The following KCNT2 variants were observed in gnomAD, a reference collection of about 807,000 sequenced individuals.
KCNT2 encodes potassium sodium-activated channel subfamily T member 2, also known as potassium channel subfamily T member 2.
Under a neutral mutation model 153.8 loss-of-function variants are expected in KCNT2, and 67 were observed. The ratio of observed to expected loss-of-function variants is 0.44; its 90% confidence interval spans 0.36 to 0.53. KCNT2 has a LOEUF of 0.53. Among genes scored for constraint, KCNT2 ranks in the 20% least tolerant of loss-of-function variants. The pLI, the probability that KCNT2 is intolerant of heterozygous loss-of-function variation, is 0.00. For missense variants in KCNT2, 975 were observed against 1,354.8 expected, an observed-to-expected ratio of 0.72 and a Z score of 4.40; for synonymous variants, 500 against 458.8, an observed-to-expected ratio of 1.09 and a Z score of -1.15.
chr1:196,235,728 A>AT lies in KCNT2; in HGVS notation c.3296+257dup, dbSNP rs554746470. ...CTTTTATTCTTCCACGTCTTCACTT[A>AT]TTTTTTCCAAATATTTTTTAGCTCA... On this transcript the variant is annotated intron_variant, in intron 27 of 27. Coordinates refer to ENST00000294725, the MANE Select transcript of KCNT2 (RefSeq NM_198503.5). 3.6e-3 allele frequency among the ~76,000 whole-genome samples: 552 copies of AT among 151,406 alleles called. 3 individuals are homozygous for AT. Among genetic ancestry groups the AT allele is most frequent in the African/African-American group, 0.012 (514 of 41,452 alleles).
intron 22 of KCNT2, among the ~76,000 whole-genome samples, chr1:196,294,908 C>T (rs1660541698): frequency 6.6e-6 from 1 of 150,802 alleles, no homozygotes; most frequent in Admixed American, 6.6e-5. Flanking sequence ...GGTGGAAGGG[C>T]ATAAGGGGAT....
intron 1 of KCNT2, among the ~76,000 whole-genome samples, chr1:196,594,306 G>A (rs552255961): frequency 6.6e-6 from 1 of 152,224 alleles, no homozygotes; most frequent in Non-Finnish European, 1.5e-5. Context: ...ACATTTTCAA[G>A]TCAAATACCT....
Position 196,258,387 on chromosome 1 carries a change from G to C in KCNT2, c.3018C>G (p.Asp1006Glu). The C allele has an allele frequency of 6.2e-7, 1 of 1,613,998 alleles. No individual in the cohort carries two copies. The highest frequency in any genetic ancestry group is 8.5e-7 in the Non-Finnish European group (1 of 1,179,992). ...TGCTTTTTCTCCGCAGCAAGGGATG[G>C]TCCGACTGATCACTGGATGTTGAGT... ...HRNSTSSDQS[D>E]HPLLRRKSMQ... The change falls in exon 26 of 28, where the codon GAC (aspartate) becomes GAG (glutamate). Residue 1006 changes from aspartate (D) to glutamate (E), a missense_variant. Physicochemically the swap from Asp to Glu is conservative, Grantham distance 45. Transcript: ENST00000294725.
At chr1:196,230,605 C>A (rs567062119) in intron 27 of KCNT2, among the ~76,000 whole-genome samples, 1 of 150,612 alleles carries the variant, frequency 6.6e-6, no homozygotes, top group South Asian at 2.1e-4. Flanking sequence ...TGACTCCAAC[C>A]CTTATCGATG....
At chr1:196,464,355 A>C (rs1440164666) in intron 8 of KCNT2, among the ~76,000 whole-genome samples, 1 of 151,944 alleles carries the variant, frequency 6.6e-6, no homozygotes, top group East Asian at 1.9e-4. Context: ...TACTGTTTTT[A>C]AATGATAAAA....
chr1:196,543,501 A>T (rs985253266), intron 1 of KCNT2, among the ~76,000 whole-genome samples: 1 of 152,122 alleles, frequency 6.6e-6, no homozygotes, highest in Non-Finnish European at 1.5e-5. Flanking sequence ...AGGAAAAGAA[A>T]ATCTTGGGAA....
intron 8 of KCNT2, among the ~76,000 whole-genome samples, chr1:196,448,380 AACAT>A: frequency 6.6e-6 from 1 of 151,690 alleles, no homozygotes; most frequent in East Asian, 1.9e-4. Context: ...TATTATATAT[AACAT>A]TTCTGTATTA....
intron 22 of KCNT2, among the ~76,000 whole-genome samples, chr1:196,294,890 C>T (rs2147934841): frequency 6.6e-6 from 1 of 151,048 alleles, no homozygotes; most frequent in East Asian, 1.9e-4. Flanking sequence ...TGATGGTTAC[C>T]AGAGACTGGT....
chr1:196,235,923 TACAA>T, intron 27 of KCNT2, 59 bp downstream of exon 27: 1 of 1,015,894 alleles, frequency 9.8e-7, no homozygotes, highest in South Asian at 1.4e-5. Flanking sequence ...TAAATATAAG[TACAA>T]AAATAAATAG....
intron 1 of KCNT2, among the ~76,000 whole-genome samples, chr1:196,527,580 G>A (rs1416583907): frequency 6.6e-6 from 1 of 152,042 alleles, no homozygotes; most frequent in Non-Finnish European, 1.5e-5. Flanking sequence ...TTTCTTTCAT[G>A]GGGAACAATA....
At chr1:196,510,902 G>A (rs1204836469) in intron 1 of KCNT2, among the ~76,000 whole-genome samples, 1 of 152,134 alleles carries the variant, frequency 6.6e-6, no homozygotes, top group Non-Finnish European at 1.5e-5. Context: ...TAATTTCATA[G>A]TAACTCTACC....
At chr1:196,426,797 A>T (rs1038999756) in intron 10 of KCNT2, among the ~76,000 whole-genome samples, 1 of 151,794 alleles carries the variant, frequency 6.6e-6, no homozygotes, top group African/African-American at 2.4e-5. Flanking sequence ...GAGGGGCCTG[A>T]TGGGAGATGA....
chr1:196,394,945 G>C (rs540174262), intron 13 of KCNT2, among the ~76,000 whole-genome samples: 1 of 150,232 alleles, frequency 6.7e-6, no homozygotes, highest in South Asian at 2.1e-4. Flanking sequence ...AAGATAACTT[G>C]TCTTAGATTA....
intron 26 of KCNT2, among the ~76,000 whole-genome samples, chr1:196,243,068 A>G (rs532707396): frequency 7.9e-5 from 12 of 152,058 alleles, no homozygotes; most frequent in Non-Finnish European, 1.6e-4. Context: ...TTTGTAGTCA[A>G]TTTTCTCCTC....
At chr1:196,458,104 T>C (rs1451020008) in intron 8 of KCNT2, among the ~76,000 whole-genome samples, 3 of 152,068 alleles carry the variant, frequency 2.0e-5, no homozygotes, top group African/African-American at 7.2e-5. Flanking sequence ...CAATGTCATA[T>C]ATAATTTTGT....
intron 12 of KCNT2, among the ~76,000 whole-genome samples, chr1:196,420,663 A>G (rs1408575964): frequency 6.6e-6 from 1 of 152,010 alleles, no homozygotes; most frequent in East Asian, 1.9e-4. Flanking sequence ...CTTGTGTTGA[A>G]CCATTTCCCA....
At chr1:196,555,287 A>C (rs1658490786) in intron 1 of KCNT2, among the ~76,000 whole-genome samples, 1 of 151,470 alleles carries the variant, frequency 6.6e-6, no homozygotes, top group Non-Finnish European at 1.5e-5. Flanking sequence ...TAGAACTGTT[A>C]AGCAAATTCA....
At chr1:196,537,902 G>C (rs909173061) in intron 1 of KCNT2, among the ~76,000 whole-genome samples, 8 of 152,278 alleles carry the variant, frequency 5.3e-5, no homozygotes, top group African/African-American at 1.9e-4. Flanking sequence ...GTGAACCCAG[G>C]TCTGCATTCA....
intron 12 of KCNT2, among the ~76,000 whole-genome samples, chr1:196,419,265 T>A (rs1672997275): frequency 1.3e-5 from 2 of 149,972 alleles, no homozygotes; most frequent in South Asian, 4.3e-4. Context: ...CATGCTGGTG[T>A]GCTGCACCCA....
Sources: allele counts gnomAD v4.1 joint callset (sites outside exome capture counted in the v4.1 genomes callset), GRCh38; gene constraint gnomAD v4.1.1; transcripts MANE v1.5; gene names NCBI Gene and HGNC (gene_info 2026-07-23, HGNC 2026-07-21).